The following ZNF713 variants were observed in gnomAD, a reference collection of about 807,000 sequenced individuals.
ZNF713 encodes the protein zinc finger protein 713.
ZNF713 carries 21 observed loss-of-function variants against 28.7 expected under a neutral mutation model. That is an observed-to-expected ratio of 0.73 (90% confidence interval 0.52 to 1.05). The LOEUF (loss-of-function observed/expected upper bound fraction) is 1.05. Among genes scored for constraint, ZNF713 ranks in the 50% least tolerant of loss-of-function variants. The pLI, the probability that ZNF713 is intolerant of heterozygous loss-of-function variation, is 0.00. For synonymous variants in ZNF713, 167 were observed against 178.0 expected, an observed-to-expected ratio of 0.94 and a Z score of 0.49; for missense variants, 458 against 532.4, an observed-to-expected ratio of 0.86 and a Z score of 1.37.
intron 4 of ZNF713, 121 bp downstream of exon 4, chr7:55,912,844 A>AGAT: frequency 1.4e-6 from 1 of 728,772 alleles, no homozygotes; most frequent in Non-Finnish European, 2.4e-6. Context: ...TTCATGTGAC[A>AGAT]GATGATATAC....
At chr7:55,888,059 C>T (rs2116147317) in intron 1 of ZNF713, among the ~76,000 whole-genome samples, 1 of 152,164 alleles carries the variant, frequency 6.6e-6, no homozygotes, top group South Asian at 2.1e-4. Context: ...GGGAATGACT[C>T]TGAGGCTGAA....
chr7:55,926,745 A>G (rs1034534220), intron 6 of ZNF713, among the ~76,000 whole-genome samples: 3 of 152,224 alleles, frequency 2.0e-5, no homozygotes, highest in African/African-American at 7.2e-5. Flanking sequence ...GGATGATTGG[A>G]AGAACAGTCA....
chr7:55,916,996 C>T (rs1785891853), intron 4 of ZNF713, among the ~76,000 whole-genome samples: 1 of 152,096 alleles, frequency 6.6e-6, no homozygotes, highest in Non-Finnish European at 1.5e-5. Flanking sequence ...GGGCAGATCA[C>T]AAGGTCAGGA....
chr7:55,939,973 T>A lies in ZNF713; in HGVS notation c.1299T>A (p.Thr433=). ...TATGTGAATATAAATGTGAGCAAAC[T>A]GTTCGCCACAGTCCTTCATTTAGCA... is the stretch of plus-strand genomic sequence containing the variant. ...EKLCEYKCEQ[T]VRHSPSFSST is the part of the protein sequence containing the mutation. The change falls in exon 7 of 7, where the codon ACT becomes ACA. Residue 433 remains threonine (T), a synonymous_variant. Transcript: ENST00000429591. 2 of 1,602,410 alleles carry A rather than the reference T, an allele frequency of 1.2e-6. No homozygotes were observed. The highest frequency in any genetic ancestry group is 1.7e-6 in the Non-Finnish European group (2 of 1,172,422).
At position 55,940,453 on chromosome 7, in the gene ZNF713, A is replaced by C. The variant is rs1786443823; in HGVS notation, c.*447A>C. ...ACTTTCAATGCGTAGAAACCAAATT[A>C]ATTTAGACCTTAAACTAGCAGCATA... On this transcript the variant is annotated 3_prime_UTR_variant, in exon 7 of 7. Transcript: ENST00000429591. 1.0e-6 allele frequency: 1 copy of C among 986,528 alleles called. No individual in the cohort carries two copies. The highest frequency in any genetic ancestry group is 1.7e-5 in the African/African-American group (1 of 57,252). The allele number at this position is 986,528 out of a possible 1,614,324, so 61.1% of individuals were successfully genotyped here.
intron 4 of ZNF713, among the ~76,000 whole-genome samples, chr7:55,921,057 C>G (rs1036533927): frequency 1.3e-5 from 2 of 152,086 alleles, no homozygotes; most frequent in Non-Finnish European, 2.9e-5. Flanking sequence ...ATCCAAGGTT[C>G]CTTAAGAATT....
At chr7:55,892,733 G>T (rs1261149790) in intron 1 of ZNF713, among the ~76,000 whole-genome samples, 1 of 151,416 alleles carries the variant, frequency 6.6e-6, no homozygotes, top group Admixed American at 6.6e-5. Flanking sequence ...TTAGCCGGGC[G>T]TGGTGGCGGA....
chr7:55,922,514 G>A (rs867598148), intron 4 of ZNF713, among the ~76,000 whole-genome samples: 2 of 151,012 alleles, frequency 1.3e-5, no homozygotes, highest in Non-Finnish European at 2.9e-5. Flanking sequence ...CTCCAGCCTG[G>A]GCAACAGAGT....
intron 5 of ZNF713, 38 bp downstream of exon 5, chr7:55,923,326 C>T (rs750190238): frequency 1.8e-5 from 29 of 1,580,762 alleles, no homozygotes; most frequent in African/African-American, 4.1e-5. Flanking sequence ...AAGCCGTTCA[C>T]GTGGGTTTAT....
At chr7:55,929,055 T>C (rs1190129761) in intron 6 of ZNF713, among the ~76,000 whole-genome samples, 1 of 151,828 alleles carries the variant, frequency 6.6e-6, no homozygotes, top group African/African-American at 2.4e-5. Context: ...GGAGGATCAA[T>C]TGAGCCCTGG....
At chr7:55,890,391 A>G (rs1029886558) in intron 1 of ZNF713, among the ~76,000 whole-genome samples, 3 of 150,692 alleles carry the variant, frequency 2.0e-5, no homozygotes, top group African/African-American at 4.9e-5. Context: ...CAGAGGTTTC[A>G]GTGAGCCGAG....
At chr7:55,908,384 G>T (rs183754531) in intron 2 of ZNF713, among the ~76,000 whole-genome samples, 1 of 151,858 alleles carries the variant, frequency 6.6e-6, no homozygotes, top group African/African-American at 2.4e-5. Flanking sequence ...CACATGATCC[G>T]CCTGCCTTGG....
At chr7:55,937,425 G>A (rs1417060901) in intron 6 of ZNF713, among the ~76,000 whole-genome samples, 1 of 152,124 alleles carries the variant, frequency 6.6e-6, no homozygotes, top group Non-Finnish European at 1.5e-5. Flanking sequence ...GACTCATTGG[G>A]AGAGGGTAGA....
chr7:55,932,832 C>T (rs1416707340), intron 6 of ZNF713, among the ~76,000 whole-genome samples: 10 of 127,580 alleles, frequency 7.8e-5, no homozygotes, highest in Admixed American at 3.8e-4. Context: ...TGCAGTGAGC[C>T]GAGATTGCGC....
chr7:55,939,773 G>T lies in ZNF713; in HGVS notation c.1099G>T (p.Glu367Ter). Residue 367 changes from glutamate (E) to a stop codon, truncating the protein, a stop_gained, in exon 7 of 7, where the codon GAG becomes TAG. Transcript: ENST00000429591. LOFTEE classifies it high-confidence loss of function. ...LTEHHRLHTG[E>*]KPYECGFCGK... is the part of the protein sequence containing the mutation. ...TGAACATCATAGACTTCATACCGGA[G>T]AGAAACCTTACGAATGTGGTTTCTG... 1 of 1,614,172 alleles carries T rather than the reference G, an allele frequency of 6.2e-7. No homozygotes were observed. Among genetic ancestry groups the T allele is most frequent in the South Asian group, 1.1e-5 (1 of 91,080 alleles).
chr7:55,939,615 T>G lies in ZNF713; in HGVS notation c.941T>G (p.Phe314Cys), dbSNP rs1786422947. 1 of 1,614,040 alleles carries G rather than the reference T, an allele frequency of 6.2e-7. No homozygotes were observed. The highest frequency in any genetic ancestry group is 2.2e-5 in the East Asian group (1 of 44,900). ...AGAATTCACACAGGAGAAAAGCCTT[T>G]TATATGCAATGGATGTGGGAAAGCC... is the stretch of plus-strand genomic sequence containing the variant. ...HQRIHTGEKP[F>C]ICNGCGKAFR... Residue 314 changes from phenylalanine to cysteine, a missense_variant, in exon 7 of 7, where the codon TTT becomes TGT. Coordinates refer to ENST00000429591, the MANE Select transcript of ZNF713 (RefSeq NM_182633.3).
intron 1 of ZNF713, among the ~76,000 whole-genome samples, chr7:55,894,831 G>C (rs939409439): frequency 1.3e-5 from 2 of 150,302 alleles, no homozygotes; most frequent in East Asian, 2.0e-4. Flanking sequence ...TTTGACTTTT[G>C]TTTTCTGTCA....
intron 1 of ZNF713, among the ~76,000 whole-genome samples, chr7:55,898,044 C>T (rs1785505200): frequency 6.6e-6 from 1 of 152,210 alleles, no homozygotes; most frequent in South Asian, 2.1e-4. Context: ...AACCCCACCC[C>T]ACCTCTGAGG....
At chr7:55,914,845 G>GTTTAT (rs548355018) in intron 4 of ZNF713, among the ~76,000 whole-genome samples, 4 of 140,044 alleles carry the variant, frequency 2.9e-5, no homozygotes, top group Non-Finnish European at 3.3e-5. Context: ...GATTCATTTG[G>GTTTAT]TTTATTTTAT....
Sources: gnomAD v4.1 joint callset for allele counts (sites outside exome capture counted in the v4.1 genomes callset) on GRCh38, gnomAD v4.1.1 for gene constraint, MANE v1.5 for transcripts, NCBI Gene and HGNC (gene_info 2026-07-23, HGNC 2026-07-21) for gene names.